The following WNT3 variants were observed in gnomAD, a reference collection of about 807,000 sequenced individuals.
The protein encoded by WNT3 is Wnt family member 3, also known as proto-oncogene Wnt-3.
WNT3 carries 7 observed loss-of-function variants against 34.2 expected under a neutral mutation model. That is an observed-to-expected ratio of 0.20 (90% CI 0.12 to 0.38). WNT3 has a LOEUF of 0.38. Ranked by LOEUF, WNT3 falls within the 10% of genes least tolerant of loss-of-function variation. The pLI is 1.00. For missense variants in WNT3, 267 were observed against 499.8 expected, an observed-to-expected ratio of 0.53 and a Z score of 4.44; for synonymous variants, 212 against 211.5, an observed-to-expected ratio of 1.00 and a Z score of -0.02.
chr17:46,777,124 C>T (rs551435607), intron 1 of WNT3, among the ~76,000 whole-genome samples: 5 of 152,284 alleles, frequency 3.3e-5, no homozygotes, highest in Non-Finnish European at 7.3e-5. Flanking sequence ...GCAGGAGAAT[C>T]GCTTGAACCT....
chr17:46,783,659 G>C (rs1759813287), intron 1 of WNT3, among the ~76,000 whole-genome samples: 1 of 152,196 alleles, frequency 6.6e-6, no homozygotes, highest in African/African-American at 2.4e-5. Context: ...GCGATCTCTA[G>C]GAACGGGGGC....
In WNT3 at chr17:46,763,186, A is replaced by G. The variant is rs1044043738; in HGVS notation, c.*1444T>C. The G allele has an allele frequency of 3.3e-5, 5 of 152,024 alleles. No homozygotes were observed. Among genetic ancestry groups the G allele is most frequent in the African/African-American group, 1.2e-4 (5 of 41,380 alleles). The allele number at this position is 152,024 out of a possible 1,614,324, so 9.4% of individuals were successfully genotyped here. A position where few individuals can be genotyped will look rare whatever the true frequency, so the allele number is the denominator to read the frequency against. ...CCCAGAGAGAAGGGGGAGAAAGAAA[A>G]ATCTTTGTTCTGCTCATTCCCCTGC... On this transcript the variant is annotated 3_prime_UTR_variant, in exon 5 of 5. Transcript: ENST00000225512.
At chr17:46,810,627 T>A (rs1457263627) in intron 1 of WNT3, among the ~76,000 whole-genome samples, 1 of 152,060 alleles carries the variant, frequency 6.6e-6, no homozygotes, top group Non-Finnish European at 1.5e-5. Flanking sequence ...GTCTCACAGC[T>A]CTTTGTGTGT....
At chr17:46,799,461 T>G (rs2084096725) in intron 1 of WNT3, among the ~76,000 whole-genome samples, 1 of 151,546 alleles carries the variant, frequency 6.6e-6, no homozygotes, top group African/African-American at 2.4e-5. Context: ...TTTTTTTTTT[T>G]TTTCGAGATG....
At chr17:46,809,780 A>T (rs1228663757) in intron 1 of WNT3, among the ~76,000 whole-genome samples, 1 of 152,010 alleles carries the variant, frequency 6.6e-6, no homozygotes, top group Admixed American at 6.5e-5. Flanking sequence ...CCCCGTGACC[A>T]GTTGGCTTCA....
intron 1 of WNT3, among the ~76,000 whole-genome samples, chr17:46,774,347 GAC>G (rs901717140): frequency 7.9e-5 from 12 of 152,196 alleles, no homozygotes; most frequent in Admixed American, 2.6e-4. Context: ...TGACTCATGG[GAC>G]ACGCGCGCGC....
chr17:46,773,633 C>T (rs775801787), intron 2 of WNT3, 35 bp downstream of exon 2: 3 of 630,138 alleles, frequency 4.8e-6, no homozygotes, highest in East Asian at 5.5e-5. Context: ...TCCCCCCACC[C>T]AGCCCCTCCC....
chr17:46,795,496 A>C (rs2084041411), intron 1 of WNT3, among the ~76,000 whole-genome samples: 1 of 152,078 alleles, frequency 6.6e-6, no homozygotes, highest in South Asian at 2.1e-4. Context: ...TCAGCCCCTG[A>C]CGCCCTGTCT....
intron 1 of WNT3, among the ~76,000 whole-genome samples, chr17:46,799,479 A>C (rs2084097201): frequency 2.2e-5 from 3 of 136,374 alleles, no homozygotes; most frequent in South Asian, 2.3e-4. Flanking sequence ...ATGGAGTCTC[A>C]CTCTGTTGCC....
At chr17:46,808,889 G>A (rs1045747363) in intron 1 of WNT3, among the ~76,000 whole-genome samples, 11 of 152,118 alleles carry the variant, frequency 7.2e-5, no homozygotes, top group Admixed American at 3.3e-4. Context: ...TGCTCAGGTC[G>A]AGGGGCCCAT....
intron 2 of WNT3, among the ~76,000 whole-genome samples, chr17:46,771,560 C>A (rs993513654): frequency 6.7e-6 from 1 of 148,642 alleles, no homozygotes; most frequent in East Asian, 2.0e-4. Context: ...GTGCCTTCCC[C>A]GTCCGGCGGG....
chr17:46,799,453 T>C (rs956088274), intron 1 of WNT3, among the ~76,000 whole-genome samples: 4 of 151,272 alleles, frequency 2.6e-5, no homozygotes, highest in African/African-American at 9.7e-5. Context: ...CTACTTTTTT[T>C]TTTTTTTTTT....
intron 1 of WNT3, among the ~76,000 whole-genome samples, chr17:46,777,754 A>G (rs1182674437): frequency 1.3e-5 from 2 of 152,216 alleles, no homozygotes; most frequent in African/African-American, 4.8e-5. Flanking sequence ...TGAGGCATGG[A>G]GTAGTTGGGC....
At chr17:46,797,343 G>A (rs2084067411) in intron 1 of WNT3, among the ~76,000 whole-genome samples, 1 of 152,212 alleles carries the variant, frequency 6.6e-6, no homozygotes, top group Non-Finnish European at 1.5e-5. Flanking sequence ...GGACTCCCAG[G>A]AAGACGGCAG....
At chr17:46,814,297 A>G (rs185848450) in intron 1 of WNT3, among the ~76,000 whole-genome samples, 1 of 152,376 alleles carries the variant, frequency 6.6e-6, no homozygotes, top group Admixed American at 6.5e-5. Context: ...TTCTAAGGAC[A>G]TAACTCAGCT....
At chr17:46,778,401 G>A (rs1310803428) in intron 1 of WNT3, among the ~76,000 whole-genome samples, 1 of 152,162 alleles carries the variant, frequency 6.6e-6, no homozygotes, top group Non-Finnish European at 1.5e-5. Context: ...GGGTCATCCT[G>A]CGAGTAATTA....
At chr17:46,766,169 G>A (rs1413322342) in intron 4 of WNT3, among the ~76,000 whole-genome samples, 3 of 152,174 alleles carry the variant, frequency 2.0e-5, no homozygotes, top group Non-Finnish European at 4.4e-5. Flanking sequence ...AGCACTTTGA[G>A]GGGCCAAGAC....
Position 46,779,103 on chromosome 17 carries a change from A to ACACACACACACACACACC in WNT3, c.81-5195_81-5194insGGTGTGTGTGTGTGTGTG, listed in dbSNP as rs749719578. ...CACACACACACACACACACACACAC[A>ACACACACACACACACACC]CCCCAGCCCACTCGGCCTTCCAAAG... On this transcript the variant is annotated intron_variant, in intron 1 of 4. Transcript: ENST00000225512. 1.5e-3 allele frequency among the ~76,000 whole-genome samples: 205 copies of ACACACACACACACACACC among 133,612 alleles called. 8 individuals are homozygous for ACACACACACACACACACC. The East Asian group carries it at 0.016, about 10-fold the overall frequency. 87.7% of individuals were successfully genotyped at this position (133,612 alleles called of 152,430 possible). A position where few individuals can be genotyped will look rare whatever the true frequency, so the allele number is the denominator to read the frequency against.
chr17:46,815,941 T>C (rs924605094), intron 1 of WNT3, among the ~76,000 whole-genome samples: 2 of 152,080 alleles, frequency 1.3e-5, no homozygotes, highest in Admixed American at 1.3e-4. Flanking sequence ...GCCCAGCACC[T>C]GGGGACAGGA....
Sources: allele counts gnomAD v4.1 joint callset (sites outside exome capture counted in the v4.1 genomes callset), GRCh38; gene constraint gnomAD v4.1.1; transcripts MANE v1.5; gene names NCBI Gene and HGNC (gene_info 2026-07-23, HGNC 2026-07-21).